The following ADGRL2 variants were observed in gnomAD, a reference collection of about 807,000 sequenced individuals.
ADGRL2 encodes the protein adhesion G protein-coupled receptor L2.
In ADGRL2, 44 loss-of-function variants were observed where a neutral mutation model predicts 157.4. That is an observed-to-expected ratio of 0.28 (90% CI 0.22 to 0.36). ADGRL2 has a LOEUF of 0.36. ADGRL2 is among the 10% of genes least tolerant of loss of function. ADGRL2 has a pLI of 1.00. For synonymous variants in ADGRL2, 585 were observed against 624.7 expected (o/e 0.94, Z 0.95); for missense variants, 1,510 against 1,768.9 (o/e 0.85, Z 2.63).
intron 3 of ADGRL2, among the ~76,000 whole-genome samples, chr1:81,651,243 C>T (rs1046685030): frequency 6.6e-6 from 1 of 151,988 alleles, no homozygotes; most frequent in African/African-American, 2.4e-5. Context: ...TTTCAGTTTA[C>T]ATTTTCTACT....
intron 5 of ADGRL2, 69 bp from the exon 6 acceptor site, chr1:81,942,900 C>G: frequency 9.0e-7 from 1 of 1,115,960 alleles, no homozygotes; most frequent in South Asian, 1.3e-5. Flanking sequence ...GATTTGTGAT[C>G]ACTGAAACTT....
At chr1:81,700,307 G>GA in intron 1 of ADGRL2, among the ~76,000 whole-genome samples, 1 of 152,168 alleles carries the variant, frequency 6.6e-6, no homozygotes, top group East Asian at 1.9e-4. Context: ...TTCTGTCCTA[G>GA]AAGTTAACAT....
At chr1:81,548,245 T>G (rs1460583343) in intron 2 of ADGRL2, among the ~76,000 whole-genome samples, 1 of 152,124 alleles carries the variant, frequency 6.6e-6, no homozygotes, top group Non-Finnish European at 1.5e-5. Context: ...TTACTCTTTT[T>G]AATGCTAATC....
At chr1:81,981,395 TG>T (rs1661632020) in intron 18 of ADGRL2, among the ~76,000 whole-genome samples, 1 of 151,952 alleles carries the variant, frequency 6.6e-6, no homozygotes, top group Non-Finnish European at 1.5e-5. Flanking sequence ...AGTGATTATC[TG>T]CCATTTAACC....
chr1:81,926,356 G>A (rs6696876), intron 3 of ADGRL2, among the ~76,000 whole-genome samples: 52,487 of 151,760 alleles, frequency 0.35, 9,369 homozygotes, highest in Middle Eastern at 0.43. Context: ...GCAGATAATT[G>A]GCAAGGGTTA....
intron 1 of ADGRL2, among the ~76,000 whole-genome samples, chr1:81,705,117 A>C (rs888817928): frequency 6.6e-5 from 10 of 152,074 alleles, no homozygotes; most frequent in Non-Finnish European, 1.5e-4. Flanking sequence ...CAGTGGTGCA[A>C]TCTCGGCTCA....
At chr1:81,754,399 G>A (rs908482659) in intron 1 of ADGRL2, among the ~76,000 whole-genome samples, 18 of 149,706 alleles carry the variant, frequency 1.2e-4, no homozygotes, top group Admixed American at 8.0e-4. Flanking sequence ...GAGACAACGC[G>A]TGAGCCACCA....
chr1:81,855,060 C>A (rs2093155676), intron 2 of ADGRL2, among the ~76,000 whole-genome samples: 1 of 152,046 alleles, frequency 6.6e-6, no homozygotes, highest in African/African-American at 2.4e-5. Flanking sequence ...GAACAAGTTC[C>A]TGTGGGACCA....
intron 2 of ADGRL2, among the ~76,000 whole-genome samples, chr1:81,525,244 T>C (rs1172230695): frequency 6.6e-6 from 1 of 151,910 alleles, no homozygotes; most frequent in East Asian, 1.9e-4. Context: ...GAAATCTAAA[T>C]ACAAATTAGA....
At chr1:81,368,246 T>C (rs921063559) in intron 1 of ADGRL2, among the ~76,000 whole-genome samples, 3 of 152,202 alleles carry the variant, frequency 2.0e-5, no homozygotes, top group African/African-American at 7.2e-5. Flanking sequence ...TGGTATCTCA[T>C]TGTGGTTTTG....
At position 81,454,823 on chromosome 1, in the gene ADGRL2, C is replaced by T. The variant is rs77835296; in HGVS notation, c.-248+9734C>T. ...CTCCACCAAGCCAGATTTGCTTAAA[C>T]GTTTTAGAACAGGCCGTCAAAGATA... On this transcript the variant is annotated intron_variant, in intron 2 of 24. Transcript: ENST00000370721. Among the ~76,000 whole-genome samples the T allele has an allele frequency of 9.1e-3, 1,391 of 152,244 alleles. 25 individuals are homozygous for T. Among genetic ancestry groups the T allele is most frequent in the African/African-American group, 0.032 (1,320 of 41,528 alleles).
intron 3 of ADGRL2, among the ~76,000 whole-genome samples, chr1:81,647,537 A>T (rs771883371): frequency 7.2e-5 from 11 of 152,208 alleles, no homozygotes; most frequent in Non-Finnish European, 1.5e-4. Context: ...GGGTAATTTT[A>T]CATACCTACA....
At chr1:81,729,800 C>G (rs560749329) in intron 1 of ADGRL2, among the ~76,000 whole-genome samples, 1 of 152,308 alleles carries the variant, frequency 6.6e-6, no homozygotes, top group South Asian at 2.1e-4. Context: ...ATCAAGCCAT[C>G]TCCATCATTA....
At chr1:81,938,131 T>A (rs2148881203) in intron 4 of ADGRL2, among the ~76,000 whole-genome samples, 1 of 151,906 alleles carries the variant, frequency 6.6e-6, no homozygotes, top group Middle Eastern at 3.4e-3. Flanking sequence ...AGTACACTGA[T>A]CTTTATATCA....
chr1:81,420,924 T>C (rs531517700), intron 1 of ADGRL2, among the ~76,000 whole-genome samples: 1 of 152,284 alleles, frequency 6.6e-6, no homozygotes, highest in South Asian at 2.1e-4. Flanking sequence ...CCTGCTTAAA[T>C]CACCAGCATC....
intron 2 of ADGRL2, among the ~76,000 whole-genome samples, chr1:81,883,049 T>C (rs1235243074): frequency 1.3e-5 from 2 of 152,176 alleles, no homozygotes; most frequent in Non-Finnish European, 2.9e-5. Flanking sequence ...TTTACTCTTA[T>C]TTAGAATGCA....
At chr1:81,645,130 C>A (rs1177091351) in intron 3 of ADGRL2, among the ~76,000 whole-genome samples, 1 of 151,982 alleles carries the variant, frequency 6.6e-6, no homozygotes, top group Non-Finnish European at 1.5e-5. Flanking sequence ...TGGTTCATGC[C>A]TACAATCCCA....
At chr1:81,805,001 G>GT (rs200358411) in intron 1 of ADGRL2, among the ~76,000 whole-genome samples, 2 of 152,064 alleles carry the variant, frequency 1.3e-5, no homozygotes, top group East Asian at 1.9e-4. Context: ...GCTTGGAAAA[G>GT]TTTTTTTTAA....
intron 1 of ADGRL2, among the ~76,000 whole-genome samples, chr1:81,372,077 A>C (rs1464929062): frequency 6.6e-6 from 1 of 152,186 alleles, no homozygotes; most frequent in Non-Finnish European, 1.5e-5. Flanking sequence ...TAGATATCAC[A>C]TGTCAAAGCG....
Sources: gnomAD v4.1 joint callset for allele counts (sites outside exome capture counted in the v4.1 genomes callset) on GRCh38, gnomAD v4.1.1 for gene constraint, MANE v1.5 for transcripts, NCBI Gene and HGNC (gene_info 2026-07-23, HGNC 2026-07-21) for gene names.